The following HOMER1 variants were observed in gnomAD, a reference collection of about 807,000 sequenced individuals.
HOMER1 encodes homer protein homolog 1.
A neutral mutation model predicts 48.9 loss-of-function variants in HOMER1; 3 were observed. The observed-to-expected ratio is 0.06, with a 90% CI of 0.03 to 0.16. The LOEUF is 0.16. HOMER1 is among the 10% of genes least tolerant of loss of function. HOMER1 has a pLI of 1.00. For synonymous variants in HOMER1, 134 were observed against 146.4 expected (o/e 0.92, Z 0.61); for missense variants, 247 against 411.4 (o/e 0.60, Z 3.46).
chr5:79,446,419 C>A (rs568077362), intron 4 of HOMER1, among the ~76,000 whole-genome samples: 1 of 152,170 alleles, frequency 6.6e-6, no homozygotes, highest in Admixed American at 6.5e-5. Flanking sequence ...CTAGGACCAG[C>A]AAGTATAATA....
chr5:79,458,066 A>G (rs1025485271), intron 1 of HOMER1, among the ~76,000 whole-genome samples: 1 of 152,200 alleles, frequency 6.6e-6, no homozygotes, highest in Non-Finnish European at 1.5e-5. Context: ...TGAAACCACA[A>G]ATATCTCTTA....
At position 79,513,516 on chromosome 5, in the gene HOMER1, G is replaced by C. The variant is rs978502979; in HGVS notation, c.-742C>G. ...CGGAGCCATTTCCAGGCTGGCAGCAGGCTGGGGGCGCAGCGCACGCCGGAG... is the reference window on the plus strand; with the variant it reads ...CGGAGCCATTTCCAGGCTGGCAGCACGCTGGGGGCGCAGCGCACGCCGGAG... On this transcript the variant is annotated 5_prime_UTR_variant, in exon 1 of 9. Transcript: ENST00000334082. 6.6e-6 allele frequency: 1 copy of C among 152,610 alleles called. No individual in the cohort carries two copies. The highest frequency in any genetic ancestry group is 1.5e-5 in the Non-Finnish European group (1 of 68,394). 9.5% of individuals were successfully genotyped at this position (152,610 alleles called of 1,614,324 possible). A position where few individuals can be genotyped will look rare whatever the true frequency, so the allele number is the denominator to read the frequency against.
chr5:79,492,966 T>C lies in HOMER1; in HGVS notation c.5+19804A>G, dbSNP rs558134449. 3.6e-5 allele frequency among the ~76,000 whole-genome samples: 5 copies of C among 139,860 alleles called. No homozygotes were observed. In the East Asian group the frequency reaches 9.5e-4, roughly 27 times the overall value. The allele number at this position is 139,860 out of a possible 152,430, so 91.8% of individuals were successfully genotyped here. On this transcript the variant is annotated intron_variant, in intron 1 of 8. Coordinates refer to ENST00000334082, the MANE Select transcript of HOMER1 (RefSeq NM_004272.5). ...CAGAGTCTCACTCTGTTGCCCAGGC[T>C]GGAGTGCAGTGGCACGATCGTGGCT...
chr5:79,447,066 C>T lies in HOMER1; in HGVS notation c.374G>A (p.Ser125Asn), dbSNP rs747293766. 4.4e-6 allele frequency: 7 copies of T among 1,599,110 alleles called. No individual in the cohort carries two copies. Among genetic ancestry groups the T allele is most frequent in the African/African-American group, 1.3e-5 (1 of 74,612 alleles). Reference protein sequence around the residue: ...EKSQEKMELTSTPSQESAGGD... With the variant: ...EKSQEKMELTNTPSQESAGGD... ...TGATATACCCACCTGTGAAGGTGTA[C>T]TGGTAAGTTCCATCTTCTCTTGTGA... Residue 125 changes from serine to asparagine, a missense_variant, in exon 4 of 9, where the codon AGT becomes AAT. Physicochemically the swap from Ser to Asn is conservative, Grantham distance 46. Transcript: ENST00000334082.
intron 1 of HOMER1, among the ~76,000 whole-genome samples, chr5:79,500,104 C>A (rs185426867): frequency 1.3e-5 from 2 of 152,198 alleles, no homozygotes; most frequent in Non-Finnish European, 2.9e-5. Flanking sequence ...AGAGTAAGGA[C>A]CATTGCAAAA....
At chr5:79,395,452 G>A (rs1377899058) in intron 8 of HOMER1, among the ~76,000 whole-genome samples, 1 of 152,092 alleles carries the variant, frequency 6.6e-6, no homozygotes, top group East Asian at 1.9e-4. Context: ...TGCACACATT[G>A]CTAAATGTCC....
intron 5 of HOMER1, among the ~76,000 whole-genome samples, chr5:79,412,878 A>G (rs1749845386): frequency 6.6e-6 from 1 of 152,258 alleles, no homozygotes; most frequent in Non-Finnish European, 1.5e-5. Flanking sequence ...TGAAAATGCT[A>G]TAACAACTAA....
intron 6 of HOMER1, among the ~76,000 whole-genome samples, chr5:79,401,405 C>T (rs1749534101): frequency 6.6e-6 from 1 of 152,158 alleles, no homozygotes; most frequent in Non-Finnish European, 1.5e-5. Context: ...AAAGATCATA[C>T]AGATAATAAC....
chr5:79,425,056 G>A (rs1750203950), intron 5 of HOMER1, among the ~76,000 whole-genome samples: 1 of 151,992 alleles, frequency 6.6e-6, no homozygotes, highest in Non-Finnish European at 1.5e-5. Context: ...TTAAAGCTGT[G>A]ATGATTGGGT....
intron 1 of HOMER1, among the ~76,000 whole-genome samples, chr5:79,502,460 A>G (rs75762757): frequency 0.18 from 27,975 of 152,112 alleles, 2,796 homozygotes; most frequent in Admixed American, 0.3. Flanking sequence ...TAGAGAAACT[A>G]CAAGATTGAG....
At chr5:79,451,666 C>T (rs949734275) in intron 2 of HOMER1, among the ~76,000 whole-genome samples, 1 of 148,100 alleles carries the variant, frequency 6.8e-6, no homozygotes, top group Non-Finnish European at 1.5e-5. Context: ...CCCGGGTTCA[C>T]GCCATTCTCC....
intron 1 of HOMER1, among the ~76,000 whole-genome samples, chr5:79,501,965 A>C (rs1194613656): frequency 6.6e-6 from 1 of 152,038 alleles, no homozygotes; most frequent in African/African-American, 2.4e-5. Flanking sequence ...ATAAAGCTAA[A>C]ATTGATACAA....
chr5:79,442,527 G>A (rs904550525), intron 4 of HOMER1, among the ~76,000 whole-genome samples: 3 of 152,158 alleles, frequency 2.0e-5, no homozygotes, highest in East Asian at 1.9e-4. Context: ...GGGGAGGTAC[G>A]CAGCAGCACT....
chr5:79,467,391 C>CA (rs71767032), intron 1 of HOMER1, among the ~76,000 whole-genome samples: 4,061 of 51,126 alleles, frequency 0.079, 445 homozygotes, highest in African/African-American at 0.2. Flanking sequence ...AACTCCATCT[C>CA]AAAAAAAAAA....
intron 1 of HOMER1, among the ~76,000 whole-genome samples, chr5:79,466,924 T>C (rs2112317674): frequency 6.6e-6 from 1 of 152,106 alleles, no homozygotes; most frequent in Non-Finnish European, 1.5e-5. Flanking sequence ...CCCAAGTAGC[T>C]AGGATTACAG....
At chr5:79,421,448 G>A (rs565462013) in intron 5 of HOMER1, among the ~76,000 whole-genome samples, 1 of 152,226 alleles carries the variant, frequency 6.6e-6, no homozygotes, top group African/African-American at 2.4e-5. Context: ...AAAGAGCAAA[G>A]AAATAATATA....
chr5:79,504,424 A>G (rs998198624), intron 1 of HOMER1, among the ~76,000 whole-genome samples: 26 of 145,740 alleles, frequency 1.8e-4, no homozygotes, highest in African/African-American at 4.6e-4. Context: ...AAAAAAAAAA[A>G]GGGCACAGAA....
intron 1 of HOMER1, chr5:79,510,744 G>A (rs1752918203): frequency 5.2e-6 from 4 of 774,660 alleles, no homozygotes; most frequent in Admixed American, 3.4e-5. Flanking sequence ...CCAAGCTTGG[G>A]AAGCATGCTC....
intron 7 of HOMER1, 73 bp downstream of exon 7, chr5:79,397,454 A>AAATCCT (rs1191541857): frequency 2.1e-6 from 2 of 962,564 alleles, no homozygotes; most frequent in Non-Finnish European, 3.2e-6. Context: ...AATACTTTTA[A>AAATCCT]ATTTGACATG....
Sources: allele counts gnomAD v4.1 joint callset (sites outside exome capture counted in the v4.1 genomes callset), GRCh38; gene constraint gnomAD v4.1.1; transcripts MANE v1.5; gene names NCBI Gene and HGNC (gene_info 2026-07-23, HGNC 2026-07-21).